SYCP1: variants seen among roughly 807,000 people sequenced by gnomAD.
SYCP1 encodes cancer/testis antigen 8.
A neutral mutation model predicts 153.1 loss-of-function variants in SYCP1; 64 were observed. That is an observed-to-expected ratio of 0.42 (90% CI 0.34 to 0.51). The LOEUF is 0.51. SYCP1 is among the 20% of genes least tolerant of loss of function. The pLI is 0.06. For missense variants in SYCP1, 997 were observed against 1,049.0 expected (o/e 0.95, Z 0.68); for synonymous variants, 384 against 341.8 (o/e 1.12, Z -1.36).
chr1:114,969,151 C>T (rs1033027940), intron 27 of SYCP1, among the ~76,000 whole-genome samples: 1 of 152,132 alleles, frequency 6.6e-6, no homozygotes, highest in African/African-American at 2.4e-5. Flanking sequence ...ACAGGAGGCA[C>T]GTGGGTCAGG....
At chr1:114,878,755 C>G (rs1665712372) in intron 12 of SYCP1, among the ~76,000 whole-genome samples, 1 of 152,156 alleles carries the variant, frequency 6.6e-6, no homozygotes, top group African/African-American at 2.4e-5. Flanking sequence ...GTTGGCCAGG[C>G]TGATTTCGAA....
chr1:114,887,120 T>G (rs1273385664), intron 14 of SYCP1, among the ~76,000 whole-genome samples: 1 of 152,072 alleles, frequency 6.6e-6, no homozygotes, highest in Admixed American at 6.6e-5. Flanking sequence ...TCCCCTAATT[T>G]ATATATTTTT....
chr1:114,925,290 G>T (rs1466909965), intron 21 of SYCP1, among the ~76,000 whole-genome samples: 2 of 151,972 alleles, frequency 1.3e-5, no homozygotes, highest in East Asian at 1.9e-4. Context: ...CCTGTTGTTT[G>T]TTAATGGAGA....
chr1:114,946,946 A>G (rs560260367), intron 26 of SYCP1, among the ~76,000 whole-genome samples: 1 of 152,138 alleles, frequency 6.6e-6, no homozygotes, highest in Admixed American at 6.5e-5. Flanking sequence ...GGGTTTCACC[A>G]TGTTGGCCAG....
chr1:114,951,089 G>A (rs891049571), intron 27 of SYCP1, among the ~76,000 whole-genome samples: 1 of 152,244 alleles, frequency 6.6e-6, no homozygotes, highest in East Asian at 1.9e-4. Context: ...CCCCCAAAGT[G>A]CTGGGATTAC....
chr1:114,957,048 TTTGTTG>T (rs912498235), intron 27 of SYCP1, among the ~76,000 whole-genome samples: 4 of 145,698 alleles, frequency 2.7e-5, no homozygotes, highest in African/African-American at 7.6e-5. Flanking sequence ...ATGGCCAGGT[TTTGTTG>T]TTGTTGTTGT....
At chr1:114,914,395 C>A (rs1435187895) in intron 20 of SYCP1, among the ~76,000 whole-genome samples, 1 of 151,202 alleles carries the variant, frequency 6.6e-6, no homozygotes, top group African/African-American at 2.4e-5. Flanking sequence ...AGTATTTATA[C>A]CCACTCTATA....
At chr1:114,954,329 A>G (rs1035231268) in intron 27 of SYCP1, among the ~76,000 whole-genome samples, 1 of 151,956 alleles carries the variant, frequency 6.6e-6, no homozygotes, top group East Asian at 1.9e-4. Flanking sequence ...TATGCTTATC[A>G]TTAGTGTACA....
chr1:114,989,993 C>T (rs918901627), intron 30 of SYCP1, among the ~76,000 whole-genome samples: 4 of 151,842 alleles, frequency 2.6e-5, no homozygotes, highest in African/African-American at 9.7e-5. Context: ...ACACAATAAG[C>T]TAATTAGGTC....
At chr1:114,923,783 T>G (rs1669069714) in intron 21 of SYCP1, 1 of 231,780 alleles carries the variant, frequency 4.3e-6, no homozygotes, top group Non-Finnish European at 8.0e-6. Context: ...GACTTAACAT[T>G]TTTTAGGCAA....
chr1:114,914,917 A>G (rs1668417941), intron 20 of SYCP1, among the ~76,000 whole-genome samples: 1 of 152,138 alleles, frequency 6.6e-6, no homozygotes, highest in South Asian at 2.1e-4. Flanking sequence ...TAAGGCATGA[A>G]TGCAGACACA....
At chr1:114,860,537 T>C (rs77000038) in intron 7 of SYCP1, among the ~76,000 whole-genome samples, 199 bp from the exon 8 acceptor site, 7,318 of 152,218 alleles carry the variant, frequency 0.048, 219 homozygotes, top group African/African-American at 0.064. Flanking sequence ...AGGGAGGCAA[T>C]TACTAAATCA....
chr1:114,990,876 A>T (rs1235249879), intron 30 of SYCP1, among the ~76,000 whole-genome samples: 2 of 151,974 alleles, frequency 1.3e-5, no homozygotes, highest in Non-Finnish European at 2.9e-5. Flanking sequence ...CAAATATTTA[A>T]AGAATTAACA....
chr1:114,857,346 G>C (rs1664070012), intron 4 of SYCP1, 71 bp downstream of exon 4: 3 of 1,549,044 alleles, frequency 1.9e-6, no homozygotes, highest in Non-Finnish European at 2.6e-6. Flanking sequence ...GACGAAAAAA[G>C]TCTTTAGTTA....
In SYCP1 at chr1:114,910,380, T is replaced by C; in HGVS notation, c.1321-17T>C. ...TGTATGGTTTGGCATTCCTGATTTG[T>C]TAATGTTTATAAATAGGGAGAAAAG... On this transcript the variant is annotated splice_polypyrimidine_tract_variant and intron_variant, in intron 16 of 31. Coordinates refer to ENST00000369522, the MANE Select transcript of SYCP1 (RefSeq NM_003176.4). 1 of 1,540,320 alleles carries C rather than the reference T, an allele frequency of 6.5e-7. No homozygotes were observed. The highest frequency in any genetic ancestry group is 1.2e-5 in the South Asian group (1 of 85,682).
At chr1:114,865,787 T>C (rs188422003) in intron 8 of SYCP1, among the ~76,000 whole-genome samples, 1 of 152,296 alleles carries the variant, frequency 6.6e-6, no homozygotes, top group South Asian at 2.1e-4. Flanking sequence ...TCCGCCATTA[T>C]AGTATAATAC....
At chr1:114,939,956 A>G (rs1302756688) in intron 23 of SYCP1, among the ~76,000 whole-genome samples, 2 of 152,048 alleles carry the variant, frequency 1.3e-5, no homozygotes, top group African/African-American at 2.4e-5. Context: ...GTTCATCTAC[A>G]TTTTCTACAG....
chr1:114,913,267 T>C (rs1371034175), intron 19 of SYCP1, 117 bp downstream of exon 19: 2 of 778,286 alleles, frequency 2.6e-6, no homozygotes, highest in Non-Finnish European at 4.1e-6. Context: ...GCTAAAACTT[T>C]GTTTTAGCAG....
intron 8 of SYCP1, among the ~76,000 whole-genome samples, chr1:114,862,463 C>T (rs1334964165): frequency 2.0e-5 from 3 of 151,980 alleles, no homozygotes; most frequent in African/African-American, 7.2e-5. Context: ...GATTCTCCTG[C>T]CTCAGCCTCC....
Sources: gnomAD v4.1 joint callset for allele counts (sites outside exome capture counted in the v4.1 genomes callset) on GRCh38, gnomAD v4.1.1 for gene constraint, MANE v1.5 for transcripts, NCBI Gene and HGNC (gene_info 2026-07-23, HGNC 2026-07-21) for gene names.